ZNF19: variants seen among roughly 807,000 people sequenced by gnomAD.
ZNF19 encodes the protein zinc finger protein 19.
In ZNF19, 11 loss-of-function variants were observed where a neutral mutation model predicts 13.1. That is an observed-to-expected ratio of 0.84 (90% CI 0.53 to 1.39). The LOEUF (loss-of-function observed/expected upper bound fraction) is 1.39. ZNF19 is among the 40% of genes most tolerant of loss of function. The pLI is 0.00. For missense variants in ZNF19, 560 were observed against 547.0 expected, an observed-to-expected ratio of 1.02 and a Z score of -0.24; for synonymous variants, 186 against 187.0, an observed-to-expected ratio of 0.99 and a Z score of 0.04.
intron 1 of ZNF19, among the ~76,000 whole-genome samples, chr16:71,485,046 CTG>C (rs941539337): frequency 2.4e-4 from 36 of 152,248 alleles, no homozygotes; most frequent in African/African-American, 7.0e-4. Flanking sequence ...TTCTAAAAAA[CTG>C]TTTAATTGTA....
At chr16:71,479,535 G>A (rs570359976) in intron 3 of ZNF19, among the ~76,000 whole-genome samples, 8 of 152,138 alleles carry the variant, frequency 5.3e-5, no homozygotes, top group African/African-American at 1.7e-4. Context: ...ACTCCCATTC[G>A]ATTCTTGTAT....
chr16:71,480,062 G>A (rs1462788278), intron 3 of ZNF19, among the ~76,000 whole-genome samples: 1 of 152,150 alleles, frequency 6.6e-6, no homozygotes, highest in South Asian at 2.1e-4. Context: ...CAAAGTGCTG[G>A]GATTACGGGA....
rs559576299 is a variant in ZNF19, at chr16:71,478,739, G to A, written c.160+140C>T. The A allele has an allele frequency of 8.8e-6, 11 of 1,253,676 alleles. No individual in the cohort carries two copies. The African/African-American group carries it at 1.6e-4, about 19-fold the overall frequency. The allele number at this position is 1,253,676 out of a possible 1,614,324, so 77.7% of individuals were successfully genotyped here. On this transcript the variant is annotated intron_variant, in intron 4 of 5. Coordinates refer to ENST00000288177, the MANE Select transcript of ZNF19 (RefSeq NM_006961.4). ...AGCAATCTTTGAAGTTGGTCACTGAGCCTCAGCTCTGCAGTCACTCAGTGG... is the reference window on the plus strand; with the variant it reads ...AGCAATCTTTGAAGTTGGTCACTGAACCTCAGCTCTGCAGTCACTCAGTGG...
intron 3 of ZNF19, among the ~76,000 whole-genome samples, chr16:71,479,696 T>C (rs2043625744): frequency 6.6e-6 from 1 of 152,202 alleles, no homozygotes; most frequent in South Asian, 2.1e-4. Context: ...TAGCTCCTTA[T>C]CTTTATAGCT....
At chr16:71,480,452 A>G (rs960446108) in intron 3 of ZNF19, among the ~76,000 whole-genome samples, 16 of 152,234 alleles carry the variant, frequency 1.1e-4, no homozygotes, top group Non-Finnish European at 2.9e-5. Flanking sequence ...ATTTCAACCC[A>G]GTCTCTAATG....
intron 5 of ZNF19, among the ~76,000 whole-genome samples, chr16:71,477,397 A>C (rs1301457470): frequency 6.6e-6 from 1 of 152,056 alleles, no homozygotes; most frequent in Non-Finnish European, 1.5e-5. Flanking sequence ...TGCTAGCTTC[A>C]TTATTTTCCA....
At position 71,478,970 on chromosome 16, in the gene ZNF19, G is replaced by GC; in HGVS notation, c.68_69insG (p.Phe23LeufsTer58). 3 of 1,614,256 alleles carry GC rather than the reference G, an allele frequency of 1.9e-6. No homozygotes were observed. The highest frequency in any genetic ancestry group is 2.5e-6 in the Non-Finnish European group (3 of 1,180,050). ...AAAGGCCAGTCCATTCTGTCTTGGTGAAGTGCACAGCCACATCCTCGAAGG... is the reference window on the plus strand; with the variant it reads ...AAAGGCCAGTCCATTCTGTCTTGGTGCAAGTGCACAGCCACATCCTCGAAGG... On this transcript the variant is annotated frameshift_variant, in exon 4 of 6. Transcript: ENST00000288177. LOFTEE classifies it high-confidence loss of function.
chr16:71,477,730 A>G (rs1042307989), intron 5 of ZNF19, among the ~76,000 whole-genome samples: 8 of 152,004 alleles, frequency 5.3e-5, no homozygotes, highest in Non-Finnish European at 7.4e-5. Context: ...AATTCCTATG[A>G]ATTCAAAAAG....
chr16:71,475,977 C>A lies in ZNF19; in HGVS notation c.570G>T (p.Glu190Asp). Residue 190 changes from glutamate to aspartate, a missense_variant, in exon 6 of 6, where the codon GAG (glutamate) becomes GAT (aspartate). Transcript: ENST00000288177. ...QRIHTGEKPF[E>D]CSECGKAFNG... ...TAAAGGCTTTTCCACACTCACTACACTCAAAAGGTTTCTCCCCAGTGTGGA... is the reference window on the plus strand; with the variant it reads ...TAAAGGCTTTTCCACACTCACTACAATCAAAAGGTTTCTCCCCAGTGTGGA... The A allele has an allele frequency of 1.9e-6, 3 of 1,614,116 alleles. No homozygotes were observed. The highest frequency in any genetic ancestry group is 2.5e-6 in the Non-Finnish European group (3 of 1,180,012).
chr16:71,477,181 T>C (rs555994786), intron 5 of ZNF19, among the ~76,000 whole-genome samples: 4 of 152,170 alleles, frequency 2.6e-5, no homozygotes, highest in Non-Finnish European at 2.9e-5. Flanking sequence ...ATCAAGTTCA[T>C]CCTATGAGTG....
chr16:71,485,220 C>T (rs1265675013), intron 1 of ZNF19, among the ~76,000 whole-genome samples: 2 of 151,996 alleles, frequency 1.3e-5, no homozygotes, highest in South Asian at 2.1e-4. Context: ...GAGGCCAAGG[C>T]GGGCAGATCA....
chr16:71,475,158 T>A lies in ZNF19; in HGVS notation c.*12A>T. On this transcript the variant is annotated 3_prime_UTR_variant, in exon 6 of 6. Coordinates refer to ENST00000288177, the MANE Select transcript of ZNF19 (RefSeq NM_006961.4). ...ACGGAATCCACTCAGTACATTTCAC[T>A]GGAGTGTACTATTACCAGTAAAAGG... 1 of 1,561,788 alleles carries A rather than the reference T, an allele frequency of 6.4e-7. No homozygotes were observed. Among genetic ancestry groups the A allele is most frequent in the Non-Finnish European group, 8.7e-7 (1 of 1,152,356 alleles).
intron 5 of ZNF19, chr16:71,477,922 T>A: frequency 3.8e-6 from 1 of 261,466 alleles, no homozygotes; most frequent in Admixed American, 5.0e-5. Context: ...CAGAACTTCT[T>A]AAACAACGTT....
intron 2 of ZNF19, among the ~76,000 whole-genome samples, chr16:71,483,926 G>A (rs1244142264): frequency 6.6e-6 from 1 of 152,200 alleles, no homozygotes; most frequent in Non-Finnish European, 1.5e-5. Flanking sequence ...ACGTGGATGG[G>A]AAGCTTAAGA....
At chr16:71,478,012 T>C (rs936554232) in intron 5 of ZNF19, 15 of 500,182 alleles carry the variant, frequency 3.0e-5, no homozygotes, top group Non-Finnish European at 4.3e-5. Context: ...TAGGCAATGT[T>C]GAAACTCAGA....
rs1162813218 is a variant in ZNF19 at position 71,478,346 on chromosome 16, A to G, written c.161-5T>C. 3.7e-6 allele frequency: 6 copies of G among 1,602,834 alleles called. No individual in the cohort carries two copies. In the African/African-American group the frequency reaches 5.4e-5, roughly 14 times the overall value. On this transcript the variant is annotated splice_region_variant and splice_polypyrimidine_tract_variant and intron_variant, in intron 4 of 5. Transcript: ENST00000288177. Reference sequence around the variant, plus strand: ...CAGGTTTGGGAACTGGGTACCCTGAAAACAGGAAGAAAATGGTACTTTTCA... The same window carrying G: ...CAGGTTTGGGAACTGGGTACCCTGAGAACAGGAAGAAAATGGTACTTTTCA...
chr16:71,479,882 C>T (rs1004094430), intron 3 of ZNF19, among the ~76,000 whole-genome samples: 1 of 152,066 alleles, frequency 6.6e-6, no homozygotes, highest in East Asian at 1.9e-4. Flanking sequence ...CAGCCTCGAC[C>T]TCCCAGCTCA....
chr16:71,489,087 C>T (rs894272875), intron 1 of ZNF19, 185 bp downstream of exon 1: 3 of 247,084 alleles, frequency 1.2e-5, no homozygotes, highest in Non-Finnish European at 1.3e-5. Context: ...AGTTCGTGAG[C>T]GGCAAAGCTT....
In ZNF19 at chr16:71,478,995, G is replaced by A; in HGVS notation, c.44C>T (p.Thr15Ile). ...PLKAQYQEMV[T>I]FEDVAVHFTK... is the part of the protein sequence containing the mutation. ...GAAGTGCACAGCCACATCCTCGAAG[G>A]TCACCATCTCCTAAAACAACAGGTT... Residue 15 changes from threonine (T) to isoleucine (I), a missense_variant, in exon 4 of 6, where the codon ACC (threonine) becomes ATC (isoleucine). Transcript: ENST00000288177. The A allele has an allele frequency of 6.2e-7, 1 of 1,614,168 alleles. No individual in the cohort carries two copies. Among genetic ancestry groups the A allele is most frequent in the South Asian group, 1.1e-5 (1 of 91,080 alleles).
Sources: gnomAD v4.1 joint callset for allele counts (sites outside exome capture counted in the v4.1 genomes callset) on GRCh38, gnomAD v4.1.1 for gene constraint, MANE v1.5 for transcripts, NCBI Gene and HGNC (gene_info 2026-07-23, HGNC 2026-07-21) for gene names.